The following NRXN3 variants were observed in gnomAD, a reference collection of about 807,000 sequenced individuals.
NRXN3 encodes neurexin III.
In NRXN3, 32 loss-of-function variants were observed where a neutral mutation model predicts 137.6. The observed-to-expected ratio is 0.23, with a 90% CI of 0.18 to 0.31. The LOEUF (loss-of-function observed/expected upper bound fraction) is 0.31, where lower values mean the gene tolerates loss of function less well. Ranked by LOEUF, NRXN3 falls within the 10% of genes least tolerant of loss-of-function variation. NRXN3 has a pLI of 1.00. For synonymous variants in NRXN3, 798 were observed against 784.5 expected (o/e 1.02, Z -0.29); for missense variants, 1,574 against 2,062.5 (o/e 0.76, Z 4.59).
At chr14:79,455,421 T>C (rs1420181435) in intron 15 of NRXN3, among the ~76,000 whole-genome samples, 3 of 152,302 alleles carry the variant, frequency 2.0e-5, no homozygotes, top group Admixed American at 6.5e-5. Flanking sequence ...TGTAGTATGG[T>C]ATAAAATGGA....
intron 15 of NRXN3, among the ~76,000 whole-genome samples, chr14:79,407,368 T>C (rs2095334562): frequency 1.3e-5 from 2 of 152,200 alleles, no homozygotes; most frequent in African/African-American, 4.8e-5. Flanking sequence ...AAGGGATTCC[T>C]CCCTTCATCA....
At chr14:79,504,164 C>T (rs1389446306) in intron 16 of NRXN3, among the ~76,000 whole-genome samples, 1 of 152,132 alleles carries the variant, frequency 6.6e-6, no homozygotes, top group Admixed American at 6.5e-5. Context: ...GAACTGGCTT[C>T]CCTATTAGAT....
At chr14:78,226,755 G>A (rs1352205790) in intron 1 of NRXN3, among the ~76,000 whole-genome samples, 1 of 152,090 alleles carries the variant, frequency 6.6e-6, no homozygotes, top group African/African-American at 2.4e-5. Context: ...AAAAAACTTT[G>A]AAATTTTTTT....
chr14:78,566,798 C>T (rs1464889761), intron 4 of NRXN3, among the ~76,000 whole-genome samples: 1 of 152,166 alleles, frequency 6.6e-6, no homozygotes, highest in Non-Finnish European at 1.5e-5. Flanking sequence ...TAAGCTCTAC[C>T]AGGGACCAGC....
At chr14:78,187,967 A>G (rs1347976297) in intron 1 of NRXN3, among the ~76,000 whole-genome samples, 2 of 152,142 alleles carry the variant, frequency 1.3e-5, no homozygotes, top group Non-Finnish European at 2.9e-5. Context: ...AATTCACTGT[A>G]TGCTCTTTAA....
chr14:78,586,984 C>T (rs779673838), intron 4 of NRXN3, among the ~76,000 whole-genome samples: 2 of 152,284 alleles, frequency 1.3e-5, no homozygotes, highest in South Asian at 4.1e-4. Context: ...CCCACTGAGG[C>T]CCGGGACATT....
chr14:78,787,327 G>T (rs963465811), intron 8 of NRXN3, among the ~76,000 whole-genome samples: 1 of 152,180 alleles, frequency 6.6e-6, no homozygotes, highest in African/African-American at 2.4e-5. Flanking sequence ...ACAACTGTGT[G>T]TGGAGCAGTT....
intron 6 of NRXN3, among the ~76,000 whole-genome samples, chr14:78,691,619 G>T (rs1045308061): frequency 6.6e-6 from 1 of 152,072 alleles, no homozygotes; most frequent in East Asian, 1.9e-4. Context: ...CACATTCATG[G>T]CTTGAATAAG....
At chr14:79,668,448 A>C (rs1305517110) in intron 17 of NRXN3, among the ~76,000 whole-genome samples, 2 of 152,126 alleles carry the variant, frequency 1.3e-5, no homozygotes, top group Non-Finnish European at 2.9e-5. Context: ...CTGAAAGGCT[A>C]AATAACTTTC....
At chr14:79,052,107 G>A (rs72687419) in intron 15 of NRXN3, among the ~76,000 whole-genome samples, 13,189 of 152,168 alleles carry the variant, frequency 0.087, 720 homozygotes, top group Non-Finnish European at 0.12. Flanking sequence ...TCCATTTTAA[G>A]TTTGAAGAAA....
intron 19 of NRXN3, among the ~76,000 whole-genome samples, chr14:79,767,468 T>G (rs1486203862): frequency 6.6e-6 from 1 of 152,250 alleles, no homozygotes; most frequent in East Asian, 1.9e-4. Context: ...CATAACCTCA[T>G]GCATTTCTCT....
intron 15 of NRXN3, among the ~76,000 whole-genome samples, chr14:79,084,670 G>T (rs185109570): frequency 2.6e-5 from 4 of 152,194 alleles, no homozygotes; most frequent in African/African-American, 9.6e-5. Context: ...TGCCCCTATT[G>T]TACCTTCTAA....
At chr14:78,981,559 G>A (rs764604755) in intron 14 of NRXN3, among the ~76,000 whole-genome samples, 4 of 152,162 alleles carry the variant, frequency 2.6e-5, no homozygotes, top group Non-Finnish European at 5.9e-5. Flanking sequence ...AAATTATGGA[G>A]ATCTCCTATG....
chr14:79,836,655 G>A (rs1182595594), intron 20 of NRXN3, among the ~76,000 whole-genome samples: 1 of 152,086 alleles, frequency 6.6e-6, no homozygotes, highest in East Asian at 1.9e-4. Context: ...TTAGATTGAG[G>A]GTCCCAGAGA....
chr14:79,517,799 C>G (rs2153698347), intron 16 of NRXN3, among the ~76,000 whole-genome samples: 1 of 151,406 alleles, frequency 6.6e-6, no homozygotes, highest in East Asian at 1.9e-4. Context: ...TCTGTCAGTG[C>G]ACATTTTTCA....
Position 79,704,475 on chromosome 14 carries a change from T to A in NRXN3, c.4014+6538T>A, listed in dbSNP as rs147102217. 2.7e-3 allele frequency among the ~76,000 whole-genome samples: 417 copies of A among 151,754 alleles called. 4 individuals carry two copies. Among genetic ancestry groups the A allele is most frequent in the African/African-American group, 9.6e-3 (397 of 41,342 alleles). On this transcript the variant is annotated intron_variant, in intron 19 of 20. Coordinates refer to ENST00000335750, the MANE Select transcript of NRXN3 (RefSeq NM_001330195.2). Reference sequence around the variant, plus strand: ...CACCTTTTCCCTGCTGCCACCAGCTTGAGAGAAATGAGATAAGGAATCTAC... The same window carrying A: ...CACCTTTTCCCTGCTGCCACCAGCTAGAGAGAAATGAGATAAGGAATCTAC...
chr14:78,539,520 C>G (rs956383363), intron 4 of NRXN3, among the ~76,000 whole-genome samples: 1 of 151,986 alleles, frequency 6.6e-6, no homozygotes, highest in Non-Finnish European at 1.5e-5. Flanking sequence ...ATTAGTCTTG[C>G]TAGTGATCTA....
At chr14:78,247,116 T>C (rs942089391) in intron 2 of NRXN3, among the ~76,000 whole-genome samples, 10 of 152,228 alleles carry the variant, frequency 6.6e-5, no homozygotes. Flanking sequence ...GCGCCTTCTG[T>C]GGTCCATTAT....
At chr14:79,078,480 CA>C (rs927799360) in intron 15 of NRXN3, among the ~76,000 whole-genome samples, 1 of 152,124 alleles carries the variant, frequency 6.6e-6, no homozygotes, top group Non-Finnish European at 1.5e-5. Flanking sequence ...AACTCTAATG[CA>C]AAATGATGCC....
Sources: gnomAD v4.1 joint callset for allele counts (sites outside exome capture counted in the v4.1 genomes callset) on GRCh38, gnomAD v4.1.1 for gene constraint, MANE v1.5 for transcripts, NCBI Gene and HGNC (gene_info 2026-07-23, HGNC 2026-07-21) for gene names.